CCSER1: variants seen among roughly 807,000 people sequenced by gnomAD.
CCSER1 encodes the protein serine-rich coiled-coil domain-containing protein 1.
A neutral mutation model predicts 82.0 loss-of-function variants in CCSER1; 41 were observed. That is an observed-to-expected ratio of 0.50 (90% CI 0.39 to 0.65). The LOEUF (loss-of-function observed/expected upper bound fraction) is 0.65. Among genes scored for constraint, CCSER1 ranks in the 30% least tolerant of loss-of-function variants. The pLI is 0.00. For missense variants in CCSER1, 1,119 were observed against 1,064.2 expected, an observed-to-expected ratio of 1.05 and a Z score of -0.72; for synonymous variants, 414 against 383.9, an observed-to-expected ratio of 1.08 and a Z score of -0.92.
chr4:90,571,482 A>T (rs1560739463), intron 5 of CCSER1, among the ~76,000 whole-genome samples: 1 of 152,184 alleles, frequency 6.6e-6, no homozygotes, highest in East Asian at 1.9e-4. Flanking sequence ...TCCTAAGAAG[A>T]TTAATGCAGA....
intron 10 of CCSER1, among the ~76,000 whole-genome samples, chr4:91,462,299 A>G (rs531004072): frequency 4.7e-4 from 72 of 152,342 alleles, no homozygotes; most frequent in Non-Finnish European, 8.4e-4. Context: ...TTTTGTACGT[A>G]TCAGATATTG....
At position 90,898,269 on chromosome 4, in the gene CCSER1, C is replaced by CTTTTTTT. The variant is rs70963094; in HGVS notation, c.2095-25077_2095-25071dup. On this transcript the variant is annotated intron_variant, in intron 8 of 10. Transcript: ENST00000509176. ...CCTTACTTTTAAATCTTTAATCCAT[C>CTTTTTTT]TTTTTTTTTTTTTTTTTTTTTTTTT... Among the ~76,000 whole-genome samples, 104 of 52,534 alleles carry CTTTTTTT rather than the reference C, an allele frequency of 2.0e-3. 23 individuals are homozygous for CTTTTTTT. Among genetic ancestry groups the CTTTTTTT allele is most frequent in the African/African-American group, 5.8e-3 (76 of 13,182 alleles). The allele number at this position is 52,534 out of a possible 152,430, so 34.5% of individuals were successfully genotyped here. A position where few individuals can be genotyped will look rare whatever the true frequency, so the allele number is the denominator to read the frequency against.
intron 9 of CCSER1, among the ~76,000 whole-genome samples, chr4:90,958,600 G>C (rs1733754509): frequency 6.6e-6 from 1 of 152,106 alleles, no homozygotes; most frequent in Non-Finnish European, 1.5e-5. Flanking sequence ...TAACCTTAGA[G>C]ACAGGTCTTG....
At position 91,603,431 on chromosome 4, in the gene CCSER1, C is replaced by T. The variant is rs1242484738; in HGVS notation, c.*4374C>T. On this transcript the variant is annotated 3_prime_UTR_variant, in exon 11 of 11. Coordinates refer to ENST00000509176, the MANE Select transcript of CCSER1 (RefSeq NM_001145065.2). ...TGATAACACTCTGTGGTTGAATTAC[C>T]TATGGAAAAGAATGAAGGCAGTTCA... is the stretch of plus-strand genomic sequence containing the variant. The T allele has an allele frequency of 6.6e-6, 1 of 151,978 alleles. No individual in the cohort carries two copies. Among genetic ancestry groups the T allele is most frequent in the East Asian group, 1.9e-4 (1 of 5,182 alleles). 9.4% of individuals were successfully genotyped at this position (151,978 alleles called of 1,614,324 possible). A position where few individuals can be genotyped will look rare whatever the true frequency, so the allele number is the denominator to read the frequency against.
At chr4:91,296,483 A>ATATATATATATATATTTTTT (rs1175690764) in intron 10 of CCSER1, among the ~76,000 whole-genome samples, 1 of 124,068 alleles carries the variant, frequency 8.1e-6, no homozygotes, top group African/African-American at 3.4e-5. Flanking sequence ...ATATATATAT[A>ATATATATATATATATTTTTT]TATTTTAATT....
intron 5 of CCSER1, among the ~76,000 whole-genome samples, chr4:90,535,991 TAG>T (rs1481134273): frequency 6.6e-6 from 1 of 151,788 alleles, no homozygotes; most frequent in Non-Finnish European, 1.5e-5. Flanking sequence ...ACATACAAAC[TAG>T]AATGTGTTGA....
chr4:90,698,015 A>G (rs977163101), intron 6 of CCSER1, among the ~76,000 whole-genome samples: 14 of 152,196 alleles, frequency 9.2e-5, no homozygotes, highest in East Asian at 3.8e-4. Context: ...AGGATTGGGC[A>G]TTTGAACTTG....
chr4:91,290,308 T>G (rs1743647917), intron 10 of CCSER1, among the ~76,000 whole-genome samples: 1 of 152,018 alleles, frequency 6.6e-6, no homozygotes, highest in Non-Finnish European at 1.5e-5. Context: ...GCTATATTTA[T>G]ATATAATTTA....
At chr4:90,461,547 G>T (rs992227935) in intron 4 of CCSER1, among the ~76,000 whole-genome samples, 3 of 152,030 alleles carry the variant, frequency 2.0e-5, no homozygotes, top group African/African-American at 2.4e-5. Flanking sequence ...CTTGTGTCTT[G>T]TGTCTTGTCT....
intron 5 of CCSER1, among the ~76,000 whole-genome samples, chr4:90,590,156 C>T (rs1027984301): frequency 9.9e-5 from 15 of 152,086 alleles, no homozygotes; most frequent in African/African-American, 3.6e-4. Context: ...TGCCTGTAGT[C>T]CCAGCTACTG....
chr4:90,682,718 C>T (rs1734114686), intron 6 of CCSER1, among the ~76,000 whole-genome samples: 1 of 151,966 alleles, frequency 6.6e-6, no homozygotes, highest in African/African-American at 2.4e-5. Context: ...CTACCAAGAT[C>T]CATGTGGCTC....
chr4:91,035,932 A>G (rs11097292), intron 9 of CCSER1, among the ~76,000 whole-genome samples: 6,419 of 152,298 alleles, frequency 0.042, 178 homozygotes, highest in Middle Eastern at 0.065. Flanking sequence ...CATTGCAGAG[A>G]CATCACCACT....
intron 9 of CCSER1, among the ~76,000 whole-genome samples, chr4:91,048,379 TG>T (rs1391613706): frequency 1.3e-5 from 2 of 151,884 alleles, no homozygotes; most frequent in African/African-American, 4.8e-5. Flanking sequence ...CTTTACTTTT[TG>T]TTCCTCAATT....
chr4:91,552,731 C>G (rs917313263), intron 10 of CCSER1, among the ~76,000 whole-genome samples: 1 of 151,376 alleles, frequency 6.6e-6, no homozygotes, highest in Admixed American at 6.6e-5. Flanking sequence ...GATTTTATAT[C>G]TTGCAACTTT....
chr4:90,657,782 T>C (rs1729979646), intron 6 of CCSER1, among the ~76,000 whole-genome samples: 1 of 152,204 alleles, frequency 6.6e-6, no homozygotes, highest in Non-Finnish European at 1.5e-5. Flanking sequence ...AACACATTAA[T>C]TACAATTATG....
At chr4:91,550,009 G>T (rs1389160150) in intron 10 of CCSER1, among the ~76,000 whole-genome samples, 1 of 152,008 alleles carries the variant, frequency 6.6e-6, no homozygotes, top group South Asian at 2.1e-4. Flanking sequence ...ATGTGGAAGG[G>T]TATAGGGAAC....
chr4:91,386,157 A>T (rs1463129279), intron 10 of CCSER1, among the ~76,000 whole-genome samples: 1 of 146,272 alleles, frequency 6.8e-6, no homozygotes. Flanking sequence ...TTCCACCAAG[A>T]AATGGCTGAT....
intron 7 of CCSER1, among the ~76,000 whole-genome samples, chr4:90,774,061 C>T (rs1752589318): frequency 6.6e-6 from 1 of 152,044 alleles, no homozygotes; most frequent in East Asian, 1.9e-4. Context: ...TATAAGGGCA[C>T]ATCATTTTTA....
intron 10 of CCSER1, among the ~76,000 whole-genome samples, chr4:91,404,624 CTTTA>C (rs1367055926): frequency 6.6e-6 from 1 of 152,110 alleles, no homozygotes; most frequent in African/African-American, 2.4e-5. Flanking sequence ...CAAAGAACCT[CTTTA>C]TTTCTGCCTT....
Sources: allele counts gnomAD v4.1 joint callset (sites outside exome capture counted in the v4.1 genomes callset), GRCh38; gene constraint gnomAD v4.1.1; transcripts MANE v1.5; gene names NCBI Gene and HGNC (gene_info 2026-07-23, HGNC 2026-07-21).